SLC24A4: variants seen among roughly 807,000 people sequenced by gnomAD.
SLC24A4 encodes sodium/potassium/calcium exchanger 4.
A neutral mutation model predicts 79.0 loss-of-function variants in SLC24A4; 53 were observed. The observed-to-expected ratio is 0.67, with a 90% CI of 0.54 to 0.84. SLC24A4 has a LOEUF of 0.84. Among genes scored for constraint, SLC24A4 ranks in the 40% least tolerant of loss-of-function variants. The pLI is 0.00. For synonymous variants in SLC24A4, 323 were observed against 323.8 expected, an observed-to-expected ratio of 1.00 and a Z score of 0.03; for missense variants, 731 against 822.0, an observed-to-expected ratio of 0.89 and a Z score of 1.35.
intron 7 of SLC24A4, 117 bp from the exon 8 acceptor site, chr14:92,445,200 T>A: frequency 9.2e-7 from 1 of 1,090,166 alleles, no homozygotes; most frequent in Non-Finnish European, 1.4e-6. Flanking sequence ...AATGGACCCA[T>A]AACACATATA....
At chr14:92,360,984 T>C (rs1290779139) in intron 2 of SLC24A4, among the ~76,000 whole-genome samples, 1 of 152,214 alleles carries the variant, frequency 6.6e-6, no homozygotes, top group Non-Finnish European at 1.5e-5. Flanking sequence ...GCCTTTTAAA[T>C]GCACGTTTGA....
At chr14:92,330,618 G>A (rs1885421363) in intron 2 of SLC24A4, among the ~76,000 whole-genome samples, 2 of 152,210 alleles carry the variant, frequency 1.3e-5, no homozygotes, top group South Asian at 4.1e-4. Context: ...AGCTCAAACA[G>A]CAGACATTTC....
intron 2 of SLC24A4, among the ~76,000 whole-genome samples, chr14:92,350,529 G>C (rs1886807154): frequency 6.6e-6 from 1 of 152,140 alleles, no homozygotes; most frequent in Admixed American, 6.5e-5. Flanking sequence ...AAGGACCCCA[G>C]GATACAGGAT....
chr14:92,492,259 A>C lies in SLC24A4; in HGVS notation c.1716+19A>C. 6.2e-7 allele frequency: 1 copy of C among 1,611,378 alleles called. No homozygotes were observed. Among genetic ancestry groups the C allele is most frequent in the Non-Finnish European group, 8.5e-7 (1 of 1,177,596 alleles). On this transcript the variant is annotated intron_variant, in intron 16 of 16. Transcript: ENST00000532405. The stretch of plus-strand genomic sequence containing the variant: ...TCTCACCGTGAGTCTTTACAATTCC[A>C]AAACAGATGCCTCATGCATACTTGA...
intron 9 of SLC24A4, among the ~76,000 whole-genome samples, chr14:92,448,345 T>C (rs113827527): frequency 7.8e-4 from 103 of 132,048 alleles, no homozygotes; most frequent in South Asian, 3.6e-3. Context: ...TCCCACTACA[T>C]ACACACACAC....
intron 12 of SLC24A4, among the ~76,000 whole-genome samples, chr14:92,466,707 C>T (rs1203536804): frequency 6.6e-6 from 1 of 152,174 alleles, no homozygotes; most frequent in African/African-American, 2.4e-5. Context: ...CAGTTGACAC[C>T]TGCCCACTGG....
intron 12 of SLC24A4, among the ~76,000 whole-genome samples, chr14:92,466,398 A>G (rs2139877919): frequency 6.6e-6 from 1 of 152,308 alleles, no homozygotes; most frequent in South Asian, 2.1e-4. Flanking sequence ...AAACTGAGAT[A>G]CAGAGAGGCT....
chr14:92,349,682 C>G (rs2141639660), intron 2 of SLC24A4, among the ~76,000 whole-genome samples: 1 of 152,348 alleles, frequency 6.6e-6, no homozygotes, highest in African/African-American at 2.4e-5. Context: ...CCCAACACCT[C>G]AAGGACCCCT....
chr14:92,453,055 C>T (rs1893239849), intron 10 of SLC24A4: 1 of 152,232 alleles, frequency 6.6e-6, no homozygotes, highest in Admixed American at 6.5e-5. Context: ...TAACTAGACC[C>T]TCCTAGGGAT....
Position 92,433,788 on chromosome 14 carries a change from T to A in SLC24A4, c.242-124T>A, listed in dbSNP as rs1255024182. 3.8e-6 allele frequency: 3 copies of A among 779,968 alleles called. No individual in the cohort carries two copies. In the East Asian group the frequency reaches 7.5e-5, roughly 19 times the overall value. 48.3% of individuals were successfully genotyped at this position (779,968 alleles called of 1,614,324 possible). A position where few individuals can be genotyped will look rare whatever the true frequency, so the allele number is the denominator to read the frequency against. ...CCCTGGACTGAGAAATGGCTGGCCT[T>A]CTCTCTGATCAGTCCAAAGCGAGGT... On this transcript the variant is annotated intron_variant, in intron 2 of 16. Coordinates refer to ENST00000532405, the MANE Select transcript of SLC24A4 (RefSeq NM_153646.4).
At position 92,496,308 on chromosome 14, in the gene SLC24A4, A is replaced by T. The variant is rs188105075; in HGVS notation, c.*2680A>T. 2.1e-4 allele frequency: 32 copies of T among 152,736 alleles called. No individual in the cohort carries two copies. Among genetic ancestry groups the T allele is most frequent in the Admixed American group, 1.8e-3 (28 of 15,306 alleles). The allele number at this position is 152,736 out of a possible 1,614,324, so 9.5% of individuals were successfully genotyped here. The stretch of plus-strand genomic sequence containing the variant: ...TTTAACTAAATATTTTTCCATCACA[A>T]ATTTAAAGAATTGCATGATTAATTA... On this transcript the variant is annotated 3_prime_UTR_variant, in exon 17 of 17. Transcript: ENST00000532405.
intron 2 of SLC24A4, among the ~76,000 whole-genome samples, chr14:92,415,664 G>A (rs942395989): frequency 6.6e-6 from 1 of 151,992 alleles, no homozygotes; most frequent in Non-Finnish European, 1.5e-5. Flanking sequence ...CACCATATTG[G>A]CCAGGCTGGT....
chr14:92,426,000 GTCAA>G (rs895165377), intron 2 of SLC24A4, among the ~76,000 whole-genome samples: 6 of 151,920 alleles, frequency 3.9e-5, no homozygotes, highest in Admixed American at 6.6e-5. Flanking sequence ...CAATCAATCA[GTCAA>G]TCAATCAATC....
intron 2 of SLC24A4, among the ~76,000 whole-genome samples, chr14:92,340,358 A>G (rs1886059497): frequency 6.6e-6 from 1 of 152,266 alleles, no homozygotes; most frequent in African/African-American, 2.4e-5. Context: ...CATGGCTGGA[A>G]GCCTTCACAG....
chr14:92,418,528 T>C (rs1374015976), intron 2 of SLC24A4, among the ~76,000 whole-genome samples: 1 of 152,168 alleles, frequency 6.6e-6, no homozygotes, highest in Non-Finnish European at 1.5e-5. Context: ...AGAGATTTAT[T>C]TTAAAGAATT....
At position 92,360,394 on chromosome 14, in the gene SLC24A4, C is replaced by A. The variant is rs895248544; in HGVS notation, c.241+34416C>A. Among the ~76,000 whole-genome samples the A allele has an allele frequency of 2.6e-5, 4 of 152,194 alleles. No individual in the cohort carries two copies. The East Asian group carries it at 7.7e-4, about 29-fold the overall frequency. ...GGGATTACAGGCATGTGCCACTGTGCCTAGCCCTGTGTGTTTTCTCTACTC... is the reference window on the plus strand; with the variant it reads ...GGGATTACAGGCATGTGCCACTGTGACTAGCCCTGTGTGTTTTCTCTACTC... On this transcript the variant is annotated intron_variant, in intron 2 of 16. Transcript: ENST00000532405.
intron 2 of SLC24A4, among the ~76,000 whole-genome samples, chr14:92,368,426 A>G (rs1887974441): frequency 6.6e-6 from 1 of 152,146 alleles, no homozygotes; most frequent in Non-Finnish European, 1.5e-5. Flanking sequence ...CTTTGGAGAC[A>G]TCTGGAAGGA....
chr14:92,470,566 CA>C (rs1894387065), intron 12 of SLC24A4, among the ~76,000 whole-genome samples: 2 of 151,990 alleles, frequency 1.3e-5, no homozygotes, highest in African/African-American at 4.8e-5. Context: ...TTTTCTACTT[CA>C]AAAGAGAAAT....
At chr14:92,425,011 A>G (rs779682554) in intron 2 of SLC24A4, among the ~76,000 whole-genome samples, 7 of 152,196 alleles carry the variant, frequency 4.6e-5, no homozygotes, top group Admixed American at 4.6e-4. Flanking sequence ...CCCATTAGGC[A>G]CTAGCTCCAA....
Sources: allele counts gnomAD v4.1 joint callset (sites outside exome capture counted in the v4.1 genomes callset), GRCh38; gene constraint gnomAD v4.1.1; transcripts MANE v1.5; gene names NCBI Gene and HGNC (gene_info 2026-07-23, HGNC 2026-07-21).